Variants in CFDP1 observed in about 807,000 individuals in gnomAD.
CFDP1 encodes the protein heterochromatin-stabilizing protein CFDP1.
In CFDP1, 31 loss-of-function variants were observed where a neutral mutation model predicts 40.1. The ratio of observed to expected loss-of-function variants is 0.77; its 90% CI spans 0.58 to 1.04. The LOEUF is 1.04. CFDP1 is among the 50% of genes least tolerant of loss of function. The pLI, the probability that CFDP1 is intolerant of heterozygous loss-of-function variation, is 0.00. For missense variants in CFDP1, 423 were observed against 343.4 expected (o/e 1.23, Z -1.83); for synonymous variants, 167 against 120.0 (o/e 1.39, Z -2.56).
chr16:75,411,833 T>C lies in CFDP1; in HGVS notation c.522A>G (p.Glu174=). 1 of 1,609,220 alleles carries C rather than the reference T, an allele frequency of 6.2e-7. No individual in the cohort carries two copies. ...KITKVFDFAG[E]EVRVTKEVDA... ...TTTGAAGGTTCTCTTACCTTACTTC[T>C]TCACCAGCAAAATCAAACACCTTGG... is the stretch of plus-strand genomic sequence containing the variant. The change falls in exon 4 of 7, where the codon GAA becomes GAG. Residue 174 remains glutamate, a synonymous_variant. Transcript: ENST00000283882.
rs775572658 is a variant in CFDP1, at chr16:75,395,172, T to C, written c.568A>G (p.Lys190Glu). The change falls in exon 5 of 7, where the codon AAA becomes GAA. Residue 190 changes from lysine (K) to glutamate (E), a missense_variant. Coordinates refer to ENST00000283882, the MANE Select transcript of CFDP1 (RefSeq NM_006324.3). ...KEVDATSKEA[K>E]SFFKQNEKEK... ...TTCTCATTCTGCTTGAAGAAGGATT[T>C]GGCCTCTTTAGATGTAGCATCCACT... 1.9e-6 allele frequency: 3 copies of C among 1,613,776 alleles called. No homozygotes were observed. The highest frequency in any genetic ancestry group is 2.2e-5 in the South Asian group (2 of 91,072).
chr16:75,426,426 G>A (rs2079343335), intron 1 of CFDP1, among the ~76,000 whole-genome samples: 1 of 151,934 alleles, frequency 6.6e-6, no homozygotes, highest in Non-Finnish European at 1.5e-5. Context: ...GTAATCCCGA[G>A]TTAGGCAAAA....
At chr16:75,420,111 C>CAAA (rs10706144) in intron 1 of CFDP1, among the ~76,000 whole-genome samples, 13 of 62,612 alleles carry the variant, frequency 2.1e-4, no homozygotes, top group African/African-American at 3.8e-4. Flanking sequence ...ACCTTCATCT[C>CAAA]AAAAAAAAAA....
intron 5 of CFDP1, among the ~76,000 whole-genome samples, chr16:75,353,969 T>C (rs1020584055): frequency 2.0e-5 from 3 of 152,144 alleles, no homozygotes; most frequent in African/African-American, 7.2e-5. Flanking sequence ...TTACTATAGT[T>C]TGACTTAGAA....
chr16:75,364,241 T>C (rs972392196), intron 5 of CFDP1, among the ~76,000 whole-genome samples: 3 of 152,216 alleles, frequency 2.0e-5, no homozygotes, highest in African/African-American at 7.2e-5. Context: ...ATGGTATTAA[T>C]GTACCAAGTA....
chr16:75,379,975 TAAAAATAC>T (rs2078839707), intron 5 of CFDP1: 1 of 151,834 alleles, frequency 6.6e-6, no homozygotes, highest in Non-Finnish European at 1.5e-5. Flanking sequence ...CTGTCTCTAC[TAAAAATAC>T]AAAAATTAGA....
At chr16:75,377,314 C>A (rs759495912) in intron 5 of CFDP1, among the ~76,000 whole-genome samples, 2 of 152,206 alleles carry the variant, frequency 1.3e-5, no homozygotes, top group Non-Finnish European at 2.9e-5. Flanking sequence ...TACATGAAGA[C>A]TGAGAAAATA....
At chr16:75,338,337 A>C (rs1397653252) in intron 5 of CFDP1, among the ~76,000 whole-genome samples, 2 of 152,226 alleles carry the variant, frequency 1.3e-5, no homozygotes, top group African/African-American at 4.8e-5. Context: ...TAAAGGGATC[A>C]TTCATCAAGG....
At chr16:75,311,080 G>C (rs954667042) in intron 5 of CFDP1, among the ~76,000 whole-genome samples, 2 of 152,118 alleles carry the variant, frequency 1.3e-5, no homozygotes, top group African/African-American at 4.8e-5. Flanking sequence ...CATATTATGA[G>C]GGCACAAAAG....
At chr16:75,372,463 T>C (rs1280156156) in intron 5 of CFDP1, 1 of 152,198 alleles carries the variant, frequency 6.6e-6, no homozygotes, top group East Asian at 1.9e-4. Context: ...TCCAGTTCTC[T>C]AAGGAGACAA....
intron 5 of CFDP1, among the ~76,000 whole-genome samples, chr16:75,371,137 T>C (rs2078748312): frequency 6.6e-6 from 1 of 152,216 alleles, no homozygotes; most frequent in Non-Finnish European, 1.5e-5. Context: ...ACATTTTGAA[T>C]AAGCCAATTC....
chr16:75,367,357 G>C (rs1177464870), intron 5 of CFDP1, among the ~76,000 whole-genome samples: 1 of 150,718 alleles, frequency 6.6e-6, no homozygotes, highest in Non-Finnish European at 1.5e-5. Context: ...TGGGTTGACA[G>C]GTGCAGCAAA....
chr16:75,352,023 AAAAAAAAAAAG>A (rs2078616021), intron 5 of CFDP1, among the ~76,000 whole-genome samples: 1 of 149,644 alleles, frequency 6.7e-6, no homozygotes, highest in Non-Finnish European at 1.5e-5. Flanking sequence ...AAAAAAAAAA[AAAAAAAAAAAG>A]AAAAGGTAAA....
At chr16:75,430,974 C>T (rs2079406593) in intron 1 of CFDP1, among the ~76,000 whole-genome samples, 1 of 152,154 alleles carries the variant, frequency 6.6e-6, no homozygotes, top group African/African-American at 2.4e-5. Flanking sequence ...GAAGTCCATT[C>T]AGATGGTTGG....
chr16:75,298,937 A>G (rs1206035469), intron 6 of CFDP1, among the ~76,000 whole-genome samples: 1 of 152,196 alleles, frequency 6.6e-6, no homozygotes, highest in Non-Finnish European at 1.5e-5. Flanking sequence ...CTCCAATTGT[A>G]ACCTTCAATT....
intron 5 of CFDP1, among the ~76,000 whole-genome samples, chr16:75,323,500 G>A (rs2078380441): frequency 1.3e-5 from 2 of 151,518 alleles, no homozygotes; most frequent in South Asian, 4.2e-4. Flanking sequence ...ATACTATAGG[G>A]CTGGGTACAG....
At chr16:75,412,015 T>C (rs983090215) in intron 3 of CFDP1, 63 bp from the exon 4 acceptor site, 7 of 1,485,984 alleles carry the variant, frequency 4.7e-6, no homozygotes, top group Non-Finnish European at 6.3e-6. Context: ...TTACAGATAC[T>C]TTTTATTTTT....
chr16:75,383,553 GCT>G (rs2078868287), intron 5 of CFDP1, among the ~76,000 whole-genome samples: 1 of 152,094 alleles, frequency 6.6e-6, no homozygotes, highest in African/African-American at 2.4e-5. Context: ...AGGCGCTGTG[GCT>G]CTCACCTGTA....
chr16:75,325,574 ACTGT>A (rs1034705910), intron 5 of CFDP1, among the ~76,000 whole-genome samples: 3 of 152,062 alleles, frequency 2.0e-5, no homozygotes, highest in Admixed American at 2.0e-4. Context: ...TTATTCTTTT[ACTGT>A]CTATTTCTCT....
Sources: gnomAD v4.1 joint callset for allele counts (sites outside exome capture counted in the v4.1 genomes callset) on GRCh38, gnomAD v4.1.1 for gene constraint, MANE v1.5 for transcripts, NCBI Gene and HGNC (gene_info 2026-07-23, HGNC 2026-07-21) for gene names.